The following HEPHL1 variants were observed in gnomAD, a reference collection of about 807,000 sequenced individuals.
The protein encoded by HEPHL1 is hephaestin like 1.
HEPHL1 carries 123 observed loss-of-function variants against 122.0 expected under a neutral mutation model. The observed-to-expected ratio is 1.01, with a 90% CI of 0.87 to 1.17. HEPHL1 has a LOEUF of 1.17. HEPHL1 is among the 50% of genes most tolerant of loss of function. HEPHL1 has a pLI of 0.00. For missense variants in HEPHL1, 1,452 were observed against 1,430.5 expected (o/e 1.01, Z -0.24); for synonymous variants, 527 against 508.9 (o/e 1.04, Z -0.48).
At chr11:94,090,399 A>T (rs4753535) in intron 12 of HEPHL1, among the ~76,000 whole-genome samples, 105,807 of 152,130 alleles carry the variant, frequency 0.7, 36,952 homozygotes, top group Admixed American at 0.76. Flanking sequence ...TATGATGTTC[A>T]TACAACTAAT....
In HEPHL1 at chr11:94,070,245, A is replaced by G. The variant is rs79310482; in HGVS notation, c.1064-129A>G. 6.5e-3 allele frequency: 5,165 copies of G among 800,406 alleles called. 161 individuals are homozygous for G. In the East Asian group the frequency reaches 0.074, roughly 12 times the overall value. 49.6% of individuals were successfully genotyped at this position (800,406 alleles called of 1,614,324 possible). A position where few individuals can be genotyped will look rare whatever the true frequency, so the allele number is the denominator to read the frequency against. The stretch of plus-strand genomic sequence containing the variant: ...GTTGCCATTTATCCTTTTTAAAAAA[A>G]CTTTCTTTATGGTCCAATTTTCTGT... On this transcript the variant is annotated intron_variant, in intron 5 of 19. Coordinates refer to ENST00000315765, the MANE Select transcript of HEPHL1 (RefSeq NM_001098672.2).
At chr11:94,037,711 C>T (rs1244427314) in intron 1 of HEPHL1, among the ~76,000 whole-genome samples, 52 of 151,964 alleles carry the variant, frequency 3.4e-4, no homozygotes, top group Admixed American at 3.4e-3. Context: ...ACACCGAATA[C>T]CCATCTGTAC....
At chr11:94,059,143 C>A (rs988710887) in intron 2 of HEPHL1, among the ~76,000 whole-genome samples, 1 of 152,028 alleles carries the variant, frequency 6.6e-6, no homozygotes, top group African/African-American at 2.4e-5. Flanking sequence ...TATATCCTTG[C>A]TCATTTGTAT....
At chr11:94,085,856 C>G (rs1417535064) in intron 10 of HEPHL1, 121 bp from the exon 11 acceptor site, 2 of 680,388 alleles carry the variant, frequency 2.9e-6, no homozygotes, top group Non-Finnish European at 2.5e-6. Context: ...CACCATGTGG[C>G]TTTTCCCTGG....
At position 94,088,845 on chromosome 11, in the gene HEPHL1, C is replaced by T; in HGVS notation, c.2171C>T (p.Pro724Leu). 1 of 1,614,008 alleles carries T rather than the reference C, an allele frequency of 6.2e-7. No individual in the cohort carries two copies. Among genetic ancestry groups the T allele is most frequent in the Non-Finnish European group, 8.5e-7 (1 of 1,179,890 alleles). ...YEVSSCDNRD[P>L]SEQRYGMIRT... ...GTCAGCAGCTGTGACAACAGGGACCCTTCTGAGCAGCGGTACGGGATGATA... is the reference window on the plus strand; with the variant it reads ...GTCAGCAGCTGTGACAACAGGGACCTTTCTGAGCAGCGGTACGGGATGATA... The change falls in exon 12 of 20, where the codon CCT becomes CTT. Residue 724 changes from proline (P) to leucine (L), a missense_variant. Coordinates refer to ENST00000315765, the MANE Select transcript of HEPHL1 (RefSeq NM_001098672.2).
chr11:94,021,405 C>G lies in HEPHL1; in HGVS notation c.37C>G (p.Leu13Val). The change falls in exon 1 of 20, where the codon CTC becomes GTC. Residue 13 changes from leucine (L) to valine (V), a missense_variant. Transcript: ENST00000315765. ...RKQPAGCIFLLTFLGLSGLVG... is the reference protein window; with the variant it reads ...RKQPAGCIFLVTFLGLSGLVG... ...GCAGCCAGCTGGCTGCATCTTTCTC[C>G]TCACATTCCTGGGTCTGTCTGGGCT... 1 of 1,613,338 alleles carries G rather than the reference C, an allele frequency of 6.2e-7. No homozygotes were observed. The highest frequency in any genetic ancestry group is 8.5e-7 in the Non-Finnish European group (1 of 1,179,634).
chr11:94,062,399 G>A (rs991064280), intron 2 of HEPHL1, among the ~76,000 whole-genome samples: 2 of 152,136 alleles, frequency 1.3e-5, no homozygotes, highest in Admixed American at 1.3e-4. Flanking sequence ...ATCAAACCAC[G>A]CTTTCATGGT....
At chr11:94,064,998 C>A (rs987547824) in intron 4 of HEPHL1, among the ~76,000 whole-genome samples, 16 of 152,262 alleles carry the variant, frequency 1.1e-4, no homozygotes, top group Non-Finnish European at 1.3e-4. Flanking sequence ...TTATATTTCC[C>A]AGGCATTCTT....
At chr11:94,081,316 A>G (rs1389715490) in intron 9 of HEPHL1, among the ~76,000 whole-genome samples, 1 of 152,192 alleles carries the variant, frequency 6.6e-6, no homozygotes, top group East Asian at 1.9e-4. Flanking sequence ...AGGGAGGAAG[A>G]GCATCAAGAT....
intron 2 of HEPHL1, among the ~76,000 whole-genome samples, chr11:94,054,680 T>G (rs1945920727): frequency 6.6e-6 from 1 of 152,208 alleles, no homozygotes; most frequent in African/African-American, 2.4e-5. Flanking sequence ...GGCTGACAAC[T>G]GTTCTTCCCA....
chr11:94,076,797 T>C (rs1021855873), intron 9 of HEPHL1, among the ~76,000 whole-genome samples: 8 of 152,080 alleles, frequency 5.3e-5, no homozygotes, highest in African/African-American at 1.9e-4. Context: ...TGGGAATAAG[T>C]GTTTGCGTCT....
At position 94,073,445 on chromosome 11, in the gene HEPHL1, T is replaced by C. The variant is rs1299310955; in HGVS notation, c.1504+6T>C. ...TGCAGCCCCAAACCTAGATGGTAAG[T>C]CTCACTCTGGGCTTAGGGAGGAAAC... On this transcript the variant is annotated splice_donor_region_variant and intron_variant, in intron 8 of 19. Transcript: ENST00000315765. The C allele has an allele frequency of 1.9e-6, 3 of 1,552,226 alleles. No homozygotes were observed. Among genetic ancestry groups the C allele is most frequent in the Middle Eastern group, 1.7e-4 (1 of 5,984 alleles).
At chr11:94,071,345 TC>T (rs1740773896) in intron 6 of HEPHL1, among the ~76,000 whole-genome samples, 1 of 152,094 alleles carries the variant, frequency 6.6e-6, no homozygotes, top group South Asian at 2.1e-4. Context: ...ATTCATTCAT[TC>T]ATTCATTCAT....
chr11:94,070,116 G>C (rs909478542), intron 5 of HEPHL1, among the ~76,000 whole-genome samples: 1 of 152,068 alleles, frequency 6.6e-6, no homozygotes, highest in South Asian at 2.1e-4. Flanking sequence ...AACTATTTCT[G>C]TTCCTTGCTC....
chr11:94,091,569 T>C lies in HEPHL1; in HGVS notation c.2295-1932T>C, dbSNP rs568990568. ...ATTGTGCAATGTGCTGGTGAAACAGTATGGAGGATAGACAAGGTCCTTTCC... is the reference window on the plus strand; with the variant it reads ...ATTGTGCAATGTGCTGGTGAAACAGCATGGAGGATAGACAAGGTCCTTTCC... On this transcript the variant is annotated intron_variant, in intron 12 of 19. Transcript: ENST00000315765. Among the ~76,000 whole-genome samples, 3 of 152,280 alleles carry C rather than the reference T, an allele frequency of 2.0e-5. No individual in the cohort carries two copies. In the South Asian group the frequency reaches 6.2e-4, roughly 32 times the overall value.
intron 2 of HEPHL1, among the ~76,000 whole-genome samples, chr11:94,054,790 G>A (rs1283593098): frequency 6.6e-6 from 1 of 152,208 alleles, no homozygotes; most frequent in Non-Finnish European, 1.5e-5. Context: ...AGTCTGCATA[G>A]GCACTTGGGA....
rs1591490956 is a variant in HEPHL1 at position 94,107,031 on chromosome 11, A to C, written c.3045+901A>C. 3.3e-5 allele frequency among the ~76,000 whole-genome samples: 5 copies of C among 152,262 alleles called. No homozygotes were observed. In the East Asian group the frequency reaches 5.8e-4, roughly 18 times the overall value. ...TGTAAAAACCCAACTGCCAGGCCCGACCCAGACCTGCTGAATCAGAATCTC... is the reference window on the plus strand; with the variant it reads ...TGTAAAAACCCAACTGCCAGGCCCGCCCCAGACCTGCTGAATCAGAATCTC... On this transcript the variant is annotated intron_variant, in intron 17 of 19. Transcript: ENST00000315765.
At chr11:94,055,084 C>A in intron 2 of HEPHL1, 1 of 174,714 alleles carries the variant, frequency 5.7e-6, no homozygotes, top group Middle Eastern at 2.2e-3. Flanking sequence ...GATATGAGAG[C>A]ATAAGAACTG....
At chr11:94,088,171 T>C (rs888245562) in intron 11 of HEPHL1, among the ~76,000 whole-genome samples, 2 of 152,250 alleles carry the variant, frequency 1.3e-5, no homozygotes, top group African/African-American at 4.8e-5. Context: ...TTGATTGTTT[T>C]TCTGTTTTCT....
Sources: gnomAD v4.1 joint callset for allele counts (sites outside exome capture counted in the v4.1 genomes callset) on GRCh38, gnomAD v4.1.1 for gene constraint, MANE v1.5 for transcripts, NCBI Gene and HGNC (gene_info 2026-07-23, HGNC 2026-07-21) for gene names.